CEP350: variants seen among roughly 807,000 people sequenced by gnomAD.
CEP350 encodes the protein centrosome-associated protein 350.
A neutral mutation model predicts 331.8 loss-of-function variants in CEP350; 126 were observed. The ratio of observed to expected loss-of-function variants is 0.38; its 90% CI spans 0.33 to 0.44. The LOEUF (loss-of-function observed/expected upper bound fraction) is 0.44. Among genes scored for constraint, CEP350 ranks in the 20% least tolerant of loss-of-function variants. The pLI is 1.00. For missense variants in CEP350, 3,406 were observed against 3,634.6 expected, an observed-to-expected ratio of 0.94 and a Z score of 1.62; for synonymous variants, 1,200 against 1,259.5, an observed-to-expected ratio of 0.95 and a Z score of 1.00.
chr1:180,094,108 A>C lies in CEP350; in HGVS notation c.8003A>C (p.Asp2668Ala), dbSNP rs1474395167. The C allele has an allele frequency of 1.2e-6, 2 of 1,613,770 alleles. No individual in the cohort carries two copies. Among genetic ancestry groups the C allele is most frequent in the African/African-American group, 2.7e-5 (2 of 74,924 alleles). ...DSQISSKENKDLISDATEKVS... is the reference protein window; with the variant it reads ...DSQISSKENKALISDATEKVS... ...CAGATTTCTTCAAAGGAAAACAAAGACCTCATTTCTGATGCCACAGAAAAG... is the reference window on the plus strand; with the variant it reads ...CAGATTTCTTCAAAGGAAAACAAAGCCCTCATTTCTGATGCCACAGAAAAG... The change falls in exon 34 of 38, where the codon GAC (aspartate) becomes GCC (alanine). Residue 2668 changes from aspartate to alanine, a missense_variant. This residue lies in a region of CEP350 where 1,415 missense variants were observed against 1,512.3 expected (regional missense o/e 0.94). Coordinates refer to ENST00000367607, the MANE Select transcript of CEP350 (RefSeq NM_014810.5).
chr1:180,045,452 C>T (rs950519851), intron 21 of CEP350, among the ~76,000 whole-genome samples: 3 of 152,090 alleles, frequency 2.0e-5, no homozygotes, highest in Non-Finnish European at 2.9e-5. Flanking sequence ...AGGCTACTTT[C>T]CAGCATTTTT....
intron 28 of CEP350, among the ~76,000 whole-genome samples, chr1:180,076,928 G>T (rs149201585): frequency 6.6e-6 from 1 of 152,088 alleles, no homozygotes; most frequent in Non-Finnish European, 1.5e-5. Flanking sequence ...AATAGATACC[G>T]TACTTAATGA....
chr1:180,009,298 C>T (rs1654466675), intron 8 of CEP350, among the ~76,000 whole-genome samples: 1 of 152,238 alleles, frequency 6.6e-6, no homozygotes, highest in African/African-American at 2.4e-5. Flanking sequence ...GCGTGAGCCA[C>T]TCACCCAGGC....
rs745628557 is a variant in CEP350, at chr1:180,020,023, C to G, written c.2249C>G (p.Pro750Arg). 5 of 1,613,842 alleles carry G rather than the reference C, an allele frequency of 3.1e-6. No homozygotes were observed. Among genetic ancestry groups the G allele is most frequent in the East Asian group, 2.2e-5 (1 of 44,890 alleles). The part of the protein sequence containing the change: ...SPQVHHSQPQ[P>R]FAGTAGSLLS... ...CAAGTTCACCATTCTCAACCACAGCCTTTTGCTGGAACAGCTGGAAGTTTA... is the reference window on the plus strand; with the variant it reads ...CAAGTTCACCATTCTCAACCACAGCGTTTTGCTGGAACAGCTGGAAGTTTA... The change falls in exon 12 of 38, where the codon CCT (proline) becomes CGT (arginine). Residue 750 changes from proline (P) to arginine (R), a missense_variant. Coordinates refer to ENST00000367607, the MANE Select transcript of CEP350 (RefSeq NM_014810.5).
chr1:180,073,951 C>T (rs1299192386), intron 27 of CEP350: 1 of 1,298,276 alleles, frequency 7.7e-7, no homozygotes, highest in East Asian at 5.6e-5. Flanking sequence ...ATAGAGCATG[C>T]TCTGTTCTTT....
At chr1:180,039,474 CA>C (rs1175295995) in intron 17 of CEP350, among the ~76,000 whole-genome samples, 1 of 152,094 alleles carries the variant, frequency 6.6e-6, no homozygotes, top group African/African-American at 2.4e-5. Context: ...GGAAGAGAGT[CA>C]AAGTTTCTTT....
At chr1:180,015,735 C>A (rs1386570994) in intron 10 of CEP350, 114 bp from the exon 11 acceptor site, 12 of 1,216,020 alleles carry the variant, frequency 9.9e-6, no homozygotes, top group Admixed American at 3.2e-5. Flanking sequence ...CAAAAAAAAA[C>A]CACTACATTT....
chr1:180,074,291 A>G (rs1659083776), intron 27 of CEP350, among the ~76,000 whole-genome samples: 1 of 152,292 alleles, frequency 6.6e-6, no homozygotes, highest in South Asian at 2.1e-4. Context: ...AATTTCTCCT[A>G]ACCCTCTGGG....
intron 1 of CEP350, among the ~76,000 whole-genome samples, chr1:179,962,343 C>T (rs530037991): frequency 2.1e-4 from 32 of 152,252 alleles, no homozygotes; most frequent in African/African-American, 5.3e-4. Context: ...TTTATGGCTA[C>T]GTAGTATTCC....
chr1:180,019,862 TCC>T, intron 11 of CEP350, 85 bp from the exon 12 acceptor site: 1 of 1,201,942 alleles, frequency 8.3e-7, no homozygotes, highest in Non-Finnish European at 1.1e-6. Flanking sequence ...TTGCAGTGCA[TCC>T]TCATTACTCT....
Position 179,992,235 on chromosome 1 carries a change from A to G in CEP350, c.395+14A>G, listed in dbSNP as rs567900655. The G allele has an allele frequency of 7.0e-7, 1 of 1,438,628 alleles. No individual in the cohort carries two copies. The highest frequency in any genetic ancestry group is 2.9e-5 in the East Asian group (1 of 34,816). The allele number at this position is 1,438,628 out of a possible 1,614,324, so 89.1% of individuals were successfully genotyped here. On this transcript the variant is annotated intron_variant, in intron 5 of 37. Coordinates refer to ENST00000367607, the MANE Select transcript of CEP350 (RefSeq NM_014810.5). ...GGTTTCTTATAGGTTAGTATTGAGA[A>G]AAAAAAAAGGTATCAAATAGGTTTA...
intron 25 of CEP350, among the ~76,000 whole-genome samples, chr1:180,057,508 T>C (rs967527753): frequency 6.6e-6 from 1 of 151,478 alleles, no homozygotes; most frequent in Non-Finnish European, 1.5e-5. Flanking sequence ...ATTACTATTG[T>C]CTGTTTTCTT....
In CEP350 at chr1:180,020,176, C is replaced by T; in HGVS notation, c.2402C>T (p.Thr801Ile). Reference sequence around the variant, plus strand: ...ACTTTTACACCTCAACCATATGTGACCTCACCAGCTGCTTATACAGATGCC... The same window carrying T: ...ACTTTTACACCTCAACCATATGTGATCTCACCAGCTGCTTATACAGATGCC... ...PLTFTPQPYVTSPAAYTDALL... is the reference protein window; with the variant it reads ...PLTFTPQPYVISPAAYTDALL... The change falls in exon 12 of 38, where the codon ACC becomes ATC. Residue 801 changes from threonine to isoleucine, a missense_variant. Physicochemically the swap from Thr to Ile is moderately conservative, Grantham distance 89. Coordinates refer to ENST00000367607, the MANE Select transcript of CEP350 (RefSeq NM_014810.5). 1 of 1,613,948 alleles carries T rather than the reference C, an allele frequency of 6.2e-7. No individual in the cohort carries two copies. Among genetic ancestry groups the T allele is most frequent in the Non-Finnish European group, 8.5e-7 (1 of 1,179,850 alleles).
intron 1 of CEP350, 57 bp downstream of exon 1, chr1:179,955,199 TC>T (rs1420199420): frequency 1.0e-5 from 13 of 1,258,810 alleles, no homozygotes; most frequent in African/African-American, 1.6e-5. Flanking sequence ...CTCAACTGTC[TC>T]TGTCCGCGGT....
intron 29 of CEP350, among the ~76,000 whole-genome samples, chr1:180,080,123 G>A (rs1202620648): frequency 2.6e-5 from 4 of 152,072 alleles, no homozygotes; most frequent in Admixed American, 6.6e-5. Context: ...AACTTCTTAC[G>A]CTCTGTTTTC....
intron 22 of CEP350, among the ~76,000 whole-genome samples, chr1:180,050,498 A>G (rs983843310): frequency 6.6e-6 from 1 of 152,000 alleles, no homozygotes; most frequent in African/African-American, 2.4e-5. Context: ...CCCCATCTCT[A>G]CTAAAAATAC....
intron 3 of CEP350, among the ~76,000 whole-genome samples, chr1:179,990,244 TC>T (rs1652957732): frequency 6.6e-6 from 1 of 152,098 alleles, no homozygotes; most frequent in Non-Finnish European, 1.5e-5. Flanking sequence ...AAAAAATAGA[TC>T]AACATGTCAA....
At chr1:180,015,767 G>C in intron 10 of CEP350, 82 bp from the exon 11 acceptor site, 4 of 1,460,106 alleles carry the variant, frequency 2.7e-6, no homozygotes, top group Non-Finnish European at 3.7e-6. Context: ...TAGAGCTGAG[G>C]TGACTTAATG....
At chr1:180,102,043 T>C (rs1349515870) in intron 37 of CEP350, among the ~76,000 whole-genome samples, 5 of 151,878 alleles carry the variant, frequency 3.3e-5, no homozygotes, top group Non-Finnish European at 7.4e-5. Flanking sequence ...GACCCTCTCA[T>C]GGGAGGGCCT....
Sources: gnomAD v4.1 joint callset for allele counts (sites outside exome capture counted in the v4.1 genomes callset) on GRCh38, gnomAD v4.1.1 for gene constraint, gnomAD v4.1.1 regional missense constraint, MANE v1.5 for transcripts, NCBI Gene and HGNC (gene_info 2026-07-23, HGNC 2026-07-21) for gene names.